Variants in EYA2 observed in about 807,000 individuals in gnomAD.
EYA2 encodes the protein protein phosphatase EYA2.
A neutral mutation model predicts 69.2 loss-of-function variants in EYA2; 31 were observed. The ratio of observed to expected loss-of-function variants is 0.45; its 90% CI spans 0.34 to 0.60. The LOEUF (loss-of-function observed/expected upper bound fraction) is 0.60, where lower values mean the gene tolerates loss of function less well. Among genes scored for constraint, EYA2 ranks in the 20% least tolerant of loss-of-function variants. EYA2 has a pLI of 0.02. For synonymous variants in EYA2, 257 were observed against 279.4 expected, an observed-to-expected ratio of 0.92 and a Z score of 0.80; for missense variants, 622 against 701.2, an observed-to-expected ratio of 0.89 and a Z score of 1.28.
At position 46,993,310 on chromosome 20, in the gene EYA2, T is replaced by C. The variant is rs535336816; in HGVS notation, c.109+3191T>C. Among the ~76,000 whole-genome samples, 4 of 152,350 alleles carry C rather than the reference T, an allele frequency of 2.6e-5. No individual in the cohort carries two copies. In the East Asian group the frequency reaches 7.7e-4, roughly 29 times the overall value. On this transcript the variant is annotated intron_variant, in intron 2 of 15. Transcript: ENST00000327619. ...CCACCAGGCCCCACTTGTCTATCCC[T>C]GGAAGCCTCCCAAACTCATCTCCGT... is the stretch of plus-strand genomic sequence containing the variant.
At chr20:47,066,517 C>T (rs556532566) in intron 5 of EYA2, among the ~76,000 whole-genome samples, 95 of 152,284 alleles carry the variant, frequency 6.2e-4, no homozygotes, top group African/African-American at 2.2e-3. Flanking sequence ...TGTGGCCATT[C>T]TAGTCTGCAA....
At chr20:47,089,608 A>C (rs560329781) in intron 8 of EYA2, among the ~76,000 whole-genome samples, 1 of 152,228 alleles carries the variant, frequency 6.6e-6, no homozygotes, top group East Asian at 1.9e-4. Context: ...GGGGTGGGGG[A>C]TGGTGCTTTT....
At chr20:47,128,431 G>A (rs2033254025) in intron 9 of EYA2, among the ~76,000 whole-genome samples, 1 of 152,056 alleles carries the variant, frequency 6.6e-6, no homozygotes, top group African/African-American at 2.4e-5. Flanking sequence ...GGTGGCAGCT[G>A]CCTGCCGTTT....
At chr20:46,925,894 T>C (rs1349165516) in intron 1 of EYA2, among the ~76,000 whole-genome samples, 2 of 151,116 alleles carry the variant, frequency 1.3e-5, no homozygotes, top group African/African-American at 2.4e-5. Flanking sequence ...CAGCAGAAGT[T>C]TGGGAACTGT....
chr20:47,141,866 C>T (rs117735901), intron 9 of EYA2, among the ~76,000 whole-genome samples: 1,921 of 152,288 alleles, frequency 0.013, 17 homozygotes, highest in Non-Finnish European at 0.022. Flanking sequence ...AAGTAACATG[C>T]GTATGTGCTC....
intron 1 of EYA2, among the ~76,000 whole-genome samples, chr20:46,954,820 T>C (rs1431657731): frequency 6.6e-6 from 1 of 151,502 alleles, no homozygotes; most frequent in East Asian, 1.9e-4. Flanking sequence ...CAGTTCTTAC[T>C]ACGAGGCATT....
At chr20:46,900,478 A>G (rs1381126678) in intron 1 of EYA2, among the ~76,000 whole-genome samples, 1 of 152,254 alleles carries the variant, frequency 6.6e-6, no homozygotes, top group Non-Finnish European at 1.5e-5. Context: ...CAGCATGCAT[A>G]CTTTGGGTTT....
At chr20:46,907,620 C>T (rs919366613) in intron 1 of EYA2, among the ~76,000 whole-genome samples, 6 of 152,160 alleles carry the variant, frequency 3.9e-5, no homozygotes, top group African/African-American at 7.2e-5. Flanking sequence ...AGGCGGATTG[C>T]GTGAAGTCAG....
intron 9 of EYA2, among the ~76,000 whole-genome samples, chr20:47,118,329 G>A (rs1468442668): frequency 6.6e-6 from 1 of 152,096 alleles, no homozygotes; most frequent in Non-Finnish European, 1.5e-5. Flanking sequence ...CTCCAGCAGT[G>A]ATTATTTTCT....
At chr20:46,924,858 T>TA (rs1985346209) in intron 1 of EYA2, among the ~76,000 whole-genome samples, 1 of 152,138 alleles carries the variant, frequency 6.6e-6, no homozygotes, top group Admixed American at 6.6e-5. Context: ...GAGGCTGTGT[T>TA]AGTTTCCTGG....
intron 1 of EYA2, among the ~76,000 whole-genome samples, chr20:46,971,790 A>G (rs922859441): frequency 2.8e-4 from 42 of 152,292 alleles, no homozygotes; most frequent in African/African-American, 2.4e-5. Context: ...AAATGTTCTG[A>G]TAAGTGGTGC....
chr20:47,142,616 T>G (rs1037527264), intron 9 of EYA2, among the ~76,000 whole-genome samples: 11 of 152,220 alleles, frequency 7.2e-5, no homozygotes, highest in African/African-American at 2.2e-4. Context: ...CTAGAGAGAT[T>G]GTTGGAGAGA....
At chr20:47,119,672 G>T (rs1041152463) in intron 9 of EYA2, among the ~76,000 whole-genome samples, 8 of 152,212 alleles carry the variant, frequency 5.3e-5, no homozygotes, top group Non-Finnish European at 1.2e-4. Flanking sequence ...GGAATGGGGA[G>T]TAAGTGCTTC....
chr20:46,909,121 A>C (rs1180003183), intron 1 of EYA2, among the ~76,000 whole-genome samples: 1 of 151,826 alleles, frequency 6.6e-6, no homozygotes, highest in African/African-American at 2.4e-5. Flanking sequence ...GGTTTTCATT[A>C]GTTTCTTGAT....
chr20:46,988,430 T>C (rs1245018853), intron 1 of EYA2, among the ~76,000 whole-genome samples: 1 of 152,150 alleles, frequency 6.6e-6, no homozygotes, highest in Non-Finnish European at 1.5e-5. Context: ...CACACTGGGA[T>C]GTGAATTTGC....
chr20:46,989,232 C>G lies in EYA2; in HGVS notation c.-10-769C>G, dbSNP rs538658798. On this transcript the variant is annotated intron_variant, in intron 1 of 15. Transcript: ENST00000327619. ...CCTAGAGAGTTGTTAATGACACTTA[C>G]GCCTTTTGAGCTTTTCTCCGTCCAT... Among the ~76,000 whole-genome samples the G allele has an allele frequency of 5.9e-5, 9 of 152,192 alleles. 1 individual carries two copies. In the South Asian group the frequency reaches 8.3e-4, roughly 14 times the overall value.
intron 1 of EYA2, among the ~76,000 whole-genome samples, chr20:46,903,198 C>G (rs1433847422): frequency 6.6e-6 from 1 of 152,180 alleles, no homozygotes; most frequent in Non-Finnish European, 1.5e-5. Flanking sequence ...GTGTTCTCAC[C>G]AGTATCCCAT....
intron 2 of EYA2, among the ~76,000 whole-genome samples, chr20:47,000,775 A>T (rs1982316805): frequency 6.6e-6 from 1 of 152,146 alleles, no homozygotes; most frequent in Non-Finnish European, 1.5e-5. Context: ...CCCAGGTGTC[A>T]TCCATCTCTC....
chr20:47,126,918 A>G (rs1243106527), intron 9 of EYA2, among the ~76,000 whole-genome samples: 2 of 152,226 alleles, frequency 1.3e-5, no homozygotes, highest in African/African-American at 4.8e-5. Context: ...AAATGCCAAC[A>G]GTGCCAAAGC....
Sources: allele counts gnomAD v4.1 joint callset (sites outside exome capture counted in the v4.1 genomes callset), GRCh38; gene constraint gnomAD v4.1.1; transcripts MANE v1.5; gene names NCBI Gene and HGNC (gene_info 2026-07-23, HGNC 2026-07-21).